Variants in PUS7 observed in about 807,000 individuals in gnomAD.
PUS7 encodes pseudouridine synthase 7, also known as pseudouridylate synthase 7 homolog.
Under a neutral mutation model 79.8 loss-of-function variants are expected in PUS7, and 48 were observed. That is an observed-to-expected ratio of 0.60 (90% CI 0.48 to 0.76). PUS7 has a LOEUF of 0.76. PUS7 is among the 30% of genes least tolerant of loss of function. The pLI is 0.00. For synonymous variants in PUS7, 286 were observed against 272.2 expected (o/e 1.05, Z -0.50); for missense variants, 729 against 797.6 (o/e 0.91, Z 1.04).
At chr7:105,496,216 TATATATATATAGAG>T (rs1261774223) in intron 5 of PUS7, among the ~76,000 whole-genome samples, 15 of 76,718 alleles carry the variant, frequency 2.0e-4, no homozygotes, top group African/African-American at 5.6e-4. Context: ...TATATATATA[TATATATATATAGAG>T]AGAGAGAGAG....
At chr7:105,498,680 C>T (rs1245121185) in intron 5 of PUS7, among the ~76,000 whole-genome samples, 1 of 152,250 alleles carries the variant, frequency 6.6e-6, no homozygotes, top group Non-Finnish European at 1.5e-5. Flanking sequence ...CACCCCTGCA[C>T]ACCAACCTTC....
intron 1 of PUS7, among the ~76,000 whole-genome samples, chr7:105,515,058 T>G (rs551947658): frequency 6.6e-6 from 1 of 152,180 alleles, no homozygotes; most frequent in Admixed American, 6.5e-5. Context: ...CCTCCCAAAG[T>G]GCTGGGATTA....
In PUS7 at chr7:105,508,160, TTGGTGA is replaced by T; in HGVS notation, c.347_352del (p.Ile116_Thr117del). 6.2e-7 allele frequency: 1 copy of T among 1,614,208 alleles called. No homozygotes were observed. Among genetic ancestry groups the T allele is most frequent in the South Asian group, 1.1e-5 (1 of 91,076 alleles). On this transcript the variant is annotated inframe_deletion, in exon 2 of 16. Transcript: ENST00000469408. Reference sequence around the variant, plus strand: ...GAACCCTTGATGAGAACTCACAAACTTGGTGATGCCTACGTCAGCCTCAGTGAGTCC... The same window carrying T: ...GAACCCTTGATGAGAACTCACAAACTTGCCTACGTCAGCCTCAGTGAGTCC...
At chr7:105,458,261 A>C (rs1402929706) in intron 15 of PUS7, among the ~76,000 whole-genome samples, 3 of 152,114 alleles carry the variant, frequency 2.0e-5, no homozygotes, top group Non-Finnish European at 4.4e-5. Flanking sequence ...AATTTAATTA[A>C]TTAATTAATT....
At chr7:105,481,371 A>G (rs1824313591) in intron 8 of PUS7, among the ~76,000 whole-genome samples, 194 bp from the exon 9 acceptor site, 1 of 152,140 alleles carries the variant, frequency 6.6e-6, no homozygotes, top group Non-Finnish European at 1.5e-5. Context: ...TATTTTAGCC[A>G]TTTTTAAGTG....
At chr7:105,462,983 C>G (rs1823496725) in intron 13 of PUS7, among the ~76,000 whole-genome samples, 1 of 152,140 alleles carries the variant, frequency 6.6e-6, no homozygotes. Flanking sequence ...ATTTTTGCAA[C>G]CAGTCATAGT....
intron 9 of PUS7, among the ~76,000 whole-genome samples, chr7:105,479,514 G>A (rs541698846): frequency 1.4e-4 from 22 of 152,154 alleles, no homozygotes; most frequent in Non-Finnish European, 3.2e-4. Flanking sequence ...ACTCCCACGC[G>A]AATAATTAGT....
intron 7 of PUS7, among the ~76,000 whole-genome samples, chr7:105,489,147 CAAAAAAAAA>C (rs762504334): frequency 3.0e-5 from 1 of 33,710 alleles, no homozygotes; most frequent in African/African-American, 9.3e-5. Flanking sequence ...AACTCCATCT[CAAAAAAAAA>C]AAAAAAAAAA....
chr7:105,514,976 A>T (rs1275371530), intron 1 of PUS7, among the ~76,000 whole-genome samples: 1 of 152,014 alleles, frequency 6.6e-6, no homozygotes, highest in Non-Finnish European at 1.5e-5. Context: ...TTGTATTTTT[A>T]GTTGAGACTG....
intron 1 of PUS7, among the ~76,000 whole-genome samples, chr7:105,515,225 A>T (rs1301776132): frequency 6.6e-6 from 1 of 152,198 alleles, no homozygotes; most frequent in Non-Finnish European, 1.5e-5. Flanking sequence ...CTCTCCCCAA[A>T]AAGAAACACT....
intron 1 of PUS7, among the ~76,000 whole-genome samples, chr7:105,514,268 T>C (rs1272495937): frequency 7.2e-6 from 1 of 138,470 alleles, no homozygotes; most frequent in African/African-American, 2.7e-5. Flanking sequence ...ATGATTTACA[T>C]AGCTGAACTG....
chr7:105,464,669 G>A (rs1823564981), intron 13 of PUS7, among the ~76,000 whole-genome samples: 1 of 152,056 alleles, frequency 6.6e-6, no homozygotes, highest in South Asian at 2.1e-4. Flanking sequence ...TTACATCATT[G>A]GCTTCCCTGG....
chr7:105,492,500 ATTTT>A (rs1159017117), intron 6 of PUS7, among the ~76,000 whole-genome samples: 4,169 of 87,130 alleles, frequency 0.048, 74 homozygotes, highest in South Asian at 0.11. Context: ...GATTTTTTGT[ATTTT>A]TTTTTTTTTT....
At chr7:105,491,732 G>A (rs1824789438) in intron 6 of PUS7, 115 bp from the exon 7 acceptor site, 3 of 635,144 alleles carry the variant, frequency 4.7e-6, no homozygotes, top group South Asian at 2.1e-5. Flanking sequence ...AACACAGTAA[G>A]AGAAGAATGA....
chr7:105,462,818 A>G, intron 13 of PUS7, 68 bp from the exon 14 acceptor site: 4 of 1,441,994 alleles, frequency 2.8e-6, no homozygotes, highest in Non-Finnish European at 3.8e-6. Context: ...ACTAGATTAT[A>G]AAGAGAGTAA....
chr7:105,497,407 T>C (rs1825081151), intron 5 of PUS7, among the ~76,000 whole-genome samples: 1 of 152,244 alleles, frequency 6.6e-6, no homozygotes, highest in African/African-American at 2.4e-5. Flanking sequence ...CTTTGCTTTT[T>C]CTGCGTTTCA....
At chr7:105,458,047 A>G (rs1482253215) in intron 15 of PUS7, 121 bp from the exon 16 acceptor site, 1 of 1,130,796 alleles carries the variant, frequency 8.8e-7, no homozygotes, top group Non-Finnish European at 1.2e-6. Flanking sequence ...TCCACTTCCT[A>G]GGGGGCCTTG....
chr7:105,517,783 G>T (rs1299419289), intron 1 of PUS7, among the ~76,000 whole-genome samples: 2 of 151,762 alleles, frequency 1.3e-5, no homozygotes, highest in Non-Finnish European at 2.9e-5. Flanking sequence ...CAGGCAGGTA[G>T]ATGGCTTGAG....
intron 9 of PUS7, among the ~76,000 whole-genome samples, chr7:105,476,603 AC>A (rs1196291036): frequency 6.6e-6 from 1 of 152,044 alleles, no homozygotes; most frequent in Non-Finnish European, 1.5e-5. Flanking sequence ...TGATCTACCC[AC>A]CTCAGCCTCC....
Sources: gnomAD v4.1 joint callset for allele counts (sites outside exome capture counted in the v4.1 genomes callset) on GRCh38, gnomAD v4.1.1 for gene constraint, MANE v1.5 for transcripts, NCBI Gene and HGNC (gene_info 2026-07-23, HGNC 2026-07-21) for gene names.